The following PTCH1 variants were observed in gnomAD, a reference collection of about 807,000 sequenced individuals.
The protein encoded by PTCH1 is patched 1.
Under a neutral mutation model 144.6 loss-of-function variants are expected in PTCH1, and 14 were observed. That is an observed-to-expected ratio of 0.10 (90% CI 0.06 to 0.15). The LOEUF (loss-of-function observed/expected upper bound fraction) is 0.15. PTCH1 is among the 10% of genes least tolerant of loss of function. The probability of loss-of-function intolerance (pLI) is 1.00; values close to 1 mark genes in which losing one functional copy is unlikely to be tolerated. For synonymous variants in PTCH1, 833 were observed against 793.6 expected (o/e 1.05, Z -0.83); for missense variants, 1,623 against 1,948.3 (o/e 0.83, Z 3.14).
At position 95,509,120 on chromosome 9, in the gene PTCH1, C is replaced by T. The variant is rs934337669; in HGVS notation, c.-759G>A. On this transcript the variant is annotated 5_prime_UTR_variant, in exon 1 of 24. Coordinates refer to ENST00000331920, the MANE Select transcript of PTCH1 (RefSeq NM_000264.5). ...CTGTCCCCGTGCAGCGCGCCTCTCT[C>T]GCTCCCGGGACCTGGGGACTCCGCT... 6.6e-5 allele frequency among the ~76,000 whole-genome samples: 10 copies of T among 152,094 alleles called. No homozygotes were observed. The highest frequency in any genetic ancestry group is 1.0e-4 in the Non-Finnish European group (7 of 68,002).
At chr9:95,512,458 G>C (rs1844203657), upstream of PTCH1, among the ~76,000 whole-genome samples, 1 of 149,194 alleles carries the variant, frequency 6.7e-6, no homozygotes, top group Non-Finnish European at 1.5e-5. Flanking sequence ...AATTGGCCTT[G>C]TTTCTGTAAC....
chr9:95,491,291 G>A (rs538135363), intron 2 of PTCH1, among the ~76,000 whole-genome samples: 2 of 152,300 alleles, frequency 1.3e-5, no homozygotes, highest in East Asian at 1.9e-4. Flanking sequence ...AATGGAAACC[G>A]GAAGACCCCA....
chr9:95,507,240 T>G, intron 1 of PTCH1: 2 of 985,520 alleles, frequency 2.0e-6, no homozygotes, highest in South Asian at 4.7e-5. Context: ...ACAATATTTG[T>G]GATCGGAAGA....
intron 2 of PTCH1, chr9:95,494,314 G>C: frequency 1.0e-6 from 1 of 985,492 alleles, no homozygotes; most frequent in Non-Finnish European, 1.2e-6. Flanking sequence ...GCCCACGCTG[G>C]ACCTGCTGCC....
At chr9:95,460,890 GTGA>G (rs1564023142) in intron 16 of PTCH1, among the ~76,000 whole-genome samples, 7 of 152,158 alleles carry the variant, frequency 4.6e-5, no homozygotes. Flanking sequence ...CTTGGGAAAC[GTGA>G]TGGTCTGCTG....
In PTCH1 at chr9:95,449,485, T is replaced by C; in HGVS notation, c.3550-162A>G. ...CCCTTCTCTACCACCTGGAGGACCT[T>C]CAGGTCCCGCAGCTGGAGCAGAAGA... On this transcript the variant is annotated intron_variant, in intron 21 of 23. Coordinates refer to ENST00000331920, the MANE Select transcript of PTCH1 (RefSeq NM_000264.5). This position sits in a 1 kb window ranked among gnomAD's most constrained non-coding sequence, Gnocchi z 5.3. The C allele has an allele frequency of 1.0e-6, 1 of 973,404 alleles. No homozygotes were observed. Among genetic ancestry groups the C allele is most frequent in the Non-Finnish European group, 1.5e-6 (1 of 646,972 alleles). The allele number at this position is 973,404 out of a possible 1,614,324, so 60.3% of individuals were successfully genotyped here.
chr9:95,475,297 G>A (rs918671410), intron 12 of PTCH1, among the ~76,000 whole-genome samples: 1 of 152,150 alleles, frequency 6.6e-6, no homozygotes, highest in Non-Finnish European at 1.5e-5. Flanking sequence ...TGGGGGTGAC[G>A]GGGCCTGGTC....
chr9:95,455,547 A>G (rs1055826806), intron 19 of PTCH1, among the ~76,000 whole-genome samples: 5 of 152,254 alleles, frequency 3.3e-5, no homozygotes, highest in African/African-American at 1.2e-4. Flanking sequence ...ATTCTTTGAT[A>G]AATGTATACA....
intron 19 of PTCH1, among the ~76,000 whole-genome samples, chr9:95,455,970 G>T (rs1029125311): frequency 6.6e-5 from 10 of 152,172 alleles, no homozygotes; most frequent in Non-Finnish European, 1.5e-4. Flanking sequence ...GTCAGGAATC[G>T]TGGGGGTATA....
intron 2 of PTCH1, 68 bp from the exon 3 acceptor site, chr9:95,485,942 T>C: frequency 6.5e-7 from 1 of 1,545,970 alleles, no homozygotes; most frequent in South Asian, 1.1e-5. Flanking sequence ...ATCTGTTATC[T>C]GACTACCTGC....
In PTCH1 at chr9:95,487,476, G is replaced by A. The variant is rs574094074; in HGVS notation, c.395-1602C>T. ...GGCTGGCCTTTTCTGCAAGCCCTGG[G>A]AAAGCTGCCTGAAGGCAGGGGCTTG... is the stretch of plus-strand genomic sequence containing the variant. On this transcript the variant is annotated intron_variant, in intron 2 of 23. Transcript: ENST00000331920. Among the ~76,000 whole-genome samples, 12 of 152,326 alleles carry A rather than the reference G, an allele frequency of 7.9e-5. 1 individual carries two copies. The South Asian group carries it at 2.5e-3, about 32-fold the overall frequency.
chr9:95,485,820 T>C lies in PTCH1; in HGVS notation c.449A>G (p.Glu150Gly). 4 of 1,614,206 alleles carry C rather than the reference T, an allele frequency of 2.5e-6. No homozygotes were observed. The highest frequency in any genetic ancestry group is 3.4e-6 in the Non-Finnish European group (4 of 1,180,028). Residue 150 changes from glutamate to glycine, a missense_variant, in exon 3 of 24, where the codon GAG (glutamate) becomes GGG (glycine). By Grantham distance (98) the Glu-to-Gly change is moderately conservative (BLOSUM62 -2). This residue lies in a region of PTCH1 where 245 missense variants were observed against 240.6 expected (regional missense o/e 1.02). Coordinates refer to ENST00000331920, the MANE Select transcript of PTCH1 (RefSeq NM_000264.5). ...LNYTRQKIGE[E>G]AMFNPQLMIQ... ...CATGAGTTGAGGATTAAACATAGCC[T>C]CTTCTCCAATCTTCTGGCGAGTATA...
chr9:95,489,290 A>C (rs1842208055), intron 2 of PTCH1, among the ~76,000 whole-genome samples: 1 of 152,246 alleles, frequency 6.6e-6, no homozygotes. Flanking sequence ...GAAGTCCCAC[A>C]GAACCCATTT....
At chr9:95,505,618 G>A (rs1318492243) in intron 2 of PTCH1, among the ~76,000 whole-genome samples, 2 of 152,066 alleles carry the variant, frequency 1.3e-5, no homozygotes, top group Non-Finnish European at 2.9e-5. Flanking sequence ...TCAACCCCGC[G>A]TTCTTAAAAC....
intron 2 of PTCH1, among the ~76,000 whole-genome samples, chr9:95,488,957 G>C (rs976790756): frequency 4.6e-5 from 7 of 152,284 alleles, no homozygotes; most frequent in Admixed American, 2.0e-4. Flanking sequence ...GAGAAGGGAG[G>C]CAAGTGTGGC....
chr9:95,450,235 A>G (rs966219938), intron 20 of PTCH1: 2 of 440,922 alleles, frequency 4.5e-6, no homozygotes, highest in African/African-American at 4.0e-5. Context: ...AATGTTATTT[A>G]TGAATGTGTT....
intron 15 of PTCH1, 138 bp downstream of exon 15, chr9:95,466,978 C>T (rs988625772): frequency 2.1e-6 from 2 of 962,552 alleles, no homozygotes; most frequent in Non-Finnish European, 1.6e-6. Flanking sequence ...ATGTAAGAAT[C>T]TTGAGCAACT....
At chr9:95,513,060 C>T (rs1201073650), upstream of PTCH1, among the ~76,000 whole-genome samples, 1 of 152,226 alleles carries the variant, frequency 6.6e-6, no homozygotes, top group Non-Finnish European at 1.5e-5. Context: ...TGTTCCAATA[C>T]TACAAATATC....
Position 95,479,909 on chromosome 9 carries a change from T to C in PTCH1, c.1067+60A>G, listed in dbSNP as rs903099906. The C allele has an allele frequency of 8.1e-6, 13 of 1,612,860 alleles. No individual in the cohort carries two copies. In the African/African-American group the frequency reaches 1.6e-4, roughly 20 times the overall value. ...ACACTTGCCGATGTCAGGAGGGAAG[T>C]GGCTTTTGAGGAAAGGAAGAAGACT... On this transcript the variant is annotated intron_variant, in intron 7 of 23. Transcript: ENST00000331920.
Sources: gnomAD v4.1 joint callset for allele counts (sites outside exome capture counted in the v4.1 genomes callset) on GRCh38, gnomAD v4.1.1 for gene constraint, gnomAD v4.1.1 regional missense constraint, Gnocchi (gnomAD v3.1) non-coding constraint, MANE v1.5 for transcripts, NCBI Gene and HGNC (gene_info 2026-07-23, HGNC 2026-07-21) for gene names.